NTM: variants seen among roughly 807,000 people sequenced by gnomAD.
NTM encodes neurotrimin.
A neutral mutation model predicts 42.1 loss-of-function variants in NTM; 13 were observed. The ratio of observed to expected loss-of-function variants is 0.31; its 90% confidence interval spans 0.20 to 0.49. The LOEUF (loss-of-function observed/expected upper bound fraction) is 0.49, where lower values mean the gene tolerates loss of function less well. Among genes scored for constraint, NTM ranks in the 20% least tolerant of loss-of-function variants. NTM has a pLI of 0.99. For synonymous variants in NTM, 187 were observed against 179.2 expected (o/e 1.04, Z -0.35); for missense variants, 373 against 452.8 (o/e 0.82, Z 1.60).
At chr11:132,234,917 G>A (rs898725558) in intron 4 of NTM, among the ~76,000 whole-genome samples, 5 of 152,194 alleles carry the variant, frequency 3.3e-5, no homozygotes, top group Non-Finnish European at 7.3e-5. Flanking sequence ...GATTTTCAAC[G>A]TTAGATTCCA....
At chr11:132,334,524 C>T (rs61018171) in intron 8 of NTM, among the ~76,000 whole-genome samples, 3 of 152,222 alleles carry the variant, frequency 2.0e-5, no homozygotes, top group Non-Finnish European at 4.4e-5. Flanking sequence ...GAGTGATTGG[C>T]AGGATGGCCT....
chr11:132,302,709 C>T (rs1449408657), intron 4 of NTM, among the ~76,000 whole-genome samples: 1 of 152,070 alleles, frequency 6.6e-6, no homozygotes, highest in Non-Finnish European at 1.5e-5. Flanking sequence ...AAAAAGAAGC[C>T]CCCTGTGTGC....
intron 2 of NTM, among the ~76,000 whole-genome samples, chr11:132,043,266 A>G (rs1362431773): frequency 1.3e-5 from 2 of 152,184 alleles, no homozygotes; most frequent in African/African-American, 4.8e-5. Context: ...TGGTTTTAAG[A>G]TTTGACCTAA....
intron 1 of NTM, among the ~76,000 whole-genome samples, chr11:131,557,698 C>T (rs973155242): frequency 1.3e-5 from 2 of 151,128 alleles, no homozygotes; most frequent in Non-Finnish European, 2.9e-5. Flanking sequence ...TCCTATGGTG[C>T]CTTACTCAAT....
chr11:132,215,295 C>A (rs1233298475), intron 4 of NTM, among the ~76,000 whole-genome samples: 9 of 152,222 alleles, frequency 5.9e-5, no homozygotes, highest in Admixed American at 5.9e-4. Context: ...CTTTCAGCAA[C>A]CCTGATGACT....
intron 1 of NTM, among the ~76,000 whole-genome samples, chr11:131,721,242 T>C (rs907583318): frequency 6.6e-6 from 1 of 152,172 alleles, no homozygotes; most frequent in Non-Finnish European, 1.5e-5. Context: ...GATTTCTCTT[T>C]CCTTTATGTT....
intron 2 of NTM, among the ~76,000 whole-genome samples, chr11:131,980,771 CA>C (rs2134895116): frequency 6.6e-6 from 1 of 152,194 alleles, no homozygotes; most frequent in Non-Finnish European, 1.5e-5. Context: ...GGAAGTTAAA[CA>C]AATAAGTACA....
intron 2 of NTM, among the ~76,000 whole-genome samples, chr11:132,056,576 T>C (rs886466210): frequency 4.6e-5 from 7 of 152,222 alleles, no homozygotes; most frequent in Non-Finnish European, 8.8e-5. Context: ...AATACGTCAA[T>C]GAATGAATTA....
intron 1 of NTM, among the ~76,000 whole-genome samples, chr11:131,471,058 A>AT (rs1952389452): frequency 6.6e-6 from 1 of 152,198 alleles, no homozygotes; most frequent in Non-Finnish European, 1.5e-5. Flanking sequence ...CTGGGAACAT[A>AT]TTAGATGCTC....
chr11:131,667,562 G>T (rs2069295115), intron 1 of NTM, among the ~76,000 whole-genome samples: 1 of 152,166 alleles, frequency 6.6e-6, no homozygotes, highest in South Asian at 2.1e-4. Context: ...CCCCCAGTGA[G>T]CTTCCCAGAA....
intron 3 of NTM, among the ~76,000 whole-genome samples, chr11:132,155,123 G>T (rs181293510): frequency 7.9e-5 from 12 of 152,146 alleles, no homozygotes; most frequent in African/African-American, 2.9e-4. Context: ...TGTTGGCTCC[G>T]TTGGGGATTT....
intron 4 of NTM, among the ~76,000 whole-genome samples, chr11:132,294,675 C>A (rs1469724019): frequency 6.6e-6 from 1 of 152,032 alleles, no homozygotes; most frequent in Admixed American, 6.5e-5. Context: ...AGTCCTGAGA[C>A]CAAGCAGGTG....
chr11:131,463,986 G>GT (rs765454909), intron 1 of NTM, among the ~76,000 whole-genome samples: 10 of 152,254 alleles, frequency 6.6e-5, no homozygotes, highest in Non-Finnish European at 1.3e-4. Context: ...CATAATTAAA[G>GT]TAACAGCTCT....
chr11:132,164,290 G>A (rs2074906315), intron 3 of NTM, among the ~76,000 whole-genome samples: 1 of 152,074 alleles, frequency 6.6e-6, no homozygotes, highest in Admixed American at 6.6e-5. Flanking sequence ...TGTCTGGCGG[G>A]ATTCTTGTTA....
intron 1 of NTM, among the ~76,000 whole-genome samples, chr11:131,473,615 C>T (rs1422400511): frequency 6.6e-6 from 1 of 152,134 alleles, no homozygotes; most frequent in Non-Finnish European, 1.5e-5. Flanking sequence ...TTTTGAGAAG[C>T]TTGGAAGCAT....
chr11:132,100,186 C>T (rs1036025698), intron 2 of NTM, among the ~76,000 whole-genome samples: 1 of 152,250 alleles, frequency 6.6e-6, no homozygotes, highest in Admixed American at 6.5e-5. Context: ...CAAATGAAAG[C>T]TGTCTGATTG....
At chr11:132,296,638 C>T (rs967168014) in intron 4 of NTM, among the ~76,000 whole-genome samples, 3 of 152,202 alleles carry the variant, frequency 2.0e-5, no homozygotes, top group African/African-American at 4.8e-5. Flanking sequence ...TGTTTTAATA[C>T]ATTGCATTCT....
At chr11:132,290,670 G>A (rs2094427181) in intron 4 of NTM, among the ~76,000 whole-genome samples, 1 of 152,014 alleles carries the variant, frequency 6.6e-6, no homozygotes, top group African/African-American at 2.4e-5. Flanking sequence ...TCTCTTTAAT[G>A]GACCTTTACT....
At chr11:131,582,696 A>G in intron 1 of NTM, among the ~76,000 whole-genome samples, 1 of 152,212 alleles carries the variant, frequency 6.6e-6, no homozygotes, top group East Asian at 1.9e-4. Flanking sequence ...TTAACACGCA[A>G]TACTTAACAA....
Sources: gnomAD v4.1 joint callset for allele counts (sites outside exome capture counted in the v4.1 genomes callset) on GRCh38, gnomAD v4.1.1 for gene constraint, MANE v1.5 for transcripts, NCBI Gene and HGNC (gene_info 2026-07-23, HGNC 2026-07-21) for gene names.